The following PTPRN2 variants were observed in gnomAD, a reference collection of about 807,000 sequenced individuals.
PTPRN2 encodes protein tyrosine phosphatase receptor type N2, also known as receptor-type tyrosine-protein phosphatase N2.
A neutral mutation model predicts 118.8 loss-of-function variants in PTPRN2; 74 were observed. The ratio of observed to expected loss-of-function variants is 0.62; its 90% CI spans 0.52 to 0.76. The LOEUF is 0.76. PTPRN2 is among the 30% of genes least tolerant of loss of function. The pLI is 0.00. For synonymous variants in PTPRN2, 641 were observed against 608.0 expected, an observed-to-expected ratio of 1.05 and a Z score of -0.80; for missense variants, 1,481 against 1,394.4, an observed-to-expected ratio of 1.06 and a Z score of -0.99.
intron 9 of PTPRN2, among the ~76,000 whole-genome samples, chr7:158,130,971 T>C (rs932927872): frequency 2.7e-5 from 4 of 145,610 alleles, no homozygotes; most frequent in South Asian, 2.2e-4. Context: ...AACACACACA[T>C]ATACACAAAC....
intron 11 of PTPRN2, among the ~76,000 whole-genome samples, chr7:157,935,272 C>T (rs1178955357): frequency 1.3e-5 from 2 of 152,162 alleles, no homozygotes; most frequent in Non-Finnish European, 2.9e-5. Flanking sequence ...GGAACTGTCA[C>T]GTGGGTCAGA....
rs1332372247 is a variant in PTPRN2 at position 157,657,143 on chromosome 7, C to T, written c.2002-592G>A. ...CACACATATACACACACATACGCCACACACACACACCACACACATCACATA... is the reference window on the plus strand; with the variant it reads ...CACACATATACACACACATACGCCATACACACACACCACACACATCACATA... On this transcript the variant is annotated intron_variant, in intron 13 of 22. Transcript: ENST00000389418. 3.5e-4 allele frequency among the ~76,000 whole-genome samples: 46 copies of T among 133,092 alleles called. 3 individuals carry two copies. Among genetic ancestry groups the T allele is most frequent in the Non-Finnish European group, 5.5e-4 (34 of 62,126 alleles). 87.3% of individuals were successfully genotyped at this position (133,092 alleles called of 152,430 possible).
intron 12 of PTPRN2, among the ~76,000 whole-genome samples, chr7:157,716,252 ACT>A: frequency 8.0e-6 from 1 of 125,150 alleles, no homozygotes; most frequent in East Asian, 2.1e-4. Flanking sequence ...GGCCACGAAG[ACT>A]CTGCGGGAAC....
At chr7:158,136,256 G>T (rs554877298) in intron 8 of PTPRN2, among the ~76,000 whole-genome samples, 1 of 152,308 alleles carries the variant, frequency 6.6e-6, no homozygotes, top group South Asian at 2.1e-4. Context: ...GTGGCCAGAG[G>T]TGCCACACGG....
chr7:158,127,989 A>T (rs759429746), intron 9 of PTPRN2, among the ~76,000 whole-genome samples: 2 of 152,216 alleles, frequency 1.3e-5, no homozygotes, highest in Non-Finnish European at 1.5e-5. Flanking sequence ...AGAGAAAATC[A>T]TGCCTGGAAA....
chr7:158,574,400 T>C lies in PTPRN2; in HGVS notation c.112+13158A>G, dbSNP rs1292560774. On this transcript the variant is annotated intron_variant, in intron 1 of 22. Coordinates refer to ENST00000389418, the MANE Select transcript of PTPRN2 (RefSeq NM_002847.5). The surrounding 1 kb of genome is among the most constrained non-coding windows in gnomAD (Gnocchi z 4.6). ...TATTATAAACATACAATGAGTTCAGTAGAGCACATATATAACTTGTAAATA... is the reference window on the plus strand; with the variant it reads ...TATTATAAACATACAATGAGTTCAGCAGAGCACATATATAACTTGTAAATA... 6.6e-6 allele frequency among the ~76,000 whole-genome samples: 1 copy of C among 152,256 alleles called. No individual in the cohort carries two copies. Among genetic ancestry groups the C allele is most frequent in the Non-Finnish European group, 1.5e-5 (1 of 68,044 alleles).
At chr7:157,740,903 G>A (rs1411185541) in intron 12 of PTPRN2, among the ~76,000 whole-genome samples, 1 of 152,170 alleles carries the variant, frequency 6.6e-6, no homozygotes, top group African/African-American at 2.4e-5. Context: ...CCATTAGCCT[G>A]AGCAAGGGCC....
chr7:158,492,331 C>T (rs1402509946), intron 1 of PTPRN2, among the ~76,000 whole-genome samples: 1 of 152,242 alleles, frequency 6.6e-6, no homozygotes, highest in Admixed American at 6.5e-5. Context: ...GCAGACACAG[C>T]TCACGTTCTA....
At chr7:158,312,497 CGTGT>C (rs1801910548) in intron 3 of PTPRN2, among the ~76,000 whole-genome samples, 3 of 150,510 alleles carry the variant, frequency 2.0e-5, no homozygotes, top group African/African-American at 7.3e-5. Context: ...CACGTGCTCA[CGTGT>C]AGACACCCAC....
intron 2 of PTPRN2, among the ~76,000 whole-genome samples, chr7:158,370,207 G>T (rs1159222439): frequency 1.3e-5 from 2 of 152,104 alleles, no homozygotes; most frequent in Non-Finnish European, 2.9e-5. Context: ...GGAGGCCGAG[G>T]CACACCGATC....
At chr7:157,867,990 G>C (rs73746678) in intron 12 of PTPRN2, among the ~76,000 whole-genome samples, 7,176 of 152,250 alleles carry the variant, frequency 0.047, 477 homozygotes, top group African/African-American at 0.14. Context: ...ACTTCCTCTG[G>C]ACAGCAGGCC....
intron 9 of PTPRN2, among the ~76,000 whole-genome samples, chr7:158,126,521 G>A (rs1373005682): frequency 3.0e-4 from 20 of 65,856 alleles, no homozygotes; most frequent in Non-Finnish European, 4.4e-4. Flanking sequence ...CTTCCTCTCC[G>A]CCACACCAGC....
chr7:158,577,134 A>G (rs1258306847), intron 1 of PTPRN2, among the ~76,000 whole-genome samples: 8 of 72,994 alleles, frequency 1.1e-4, no homozygotes, highest in Admixed American at 1.6e-4. Flanking sequence ...AGCCCTCCTG[A>G]ATGCCACAGA....
At chr7:157,904,579 G>A (rs1377925222) in intron 11 of PTPRN2, among the ~76,000 whole-genome samples, 1 of 152,244 alleles carries the variant, frequency 6.6e-6, no homozygotes, top group Admixed American at 6.5e-5. Flanking sequence ...TCTTGCCAGG[G>A]AAATCTCTTT....
intron 9 of PTPRN2, among the ~76,000 whole-genome samples, chr7:158,129,349 ACACACCACACAG>A (rs1585535674): frequency 6.6e-6 from 1 of 150,926 alleles, no homozygotes; most frequent in South Asian, 2.1e-4. Context: ...TACACATAAC[ACACACCACACAG>A]CACACCACAC....
intron 11 of PTPRN2, among the ~76,000 whole-genome samples, chr7:158,063,422 C>T (rs567567764): frequency 3.9e-5 from 6 of 152,290 alleles, no homozygotes; most frequent in Non-Finnish European, 8.8e-5. Flanking sequence ...GTAAAACAGA[C>T]CAATCAGCTC....
intron 11 of PTPRN2, among the ~76,000 whole-genome samples, chr7:158,033,110 C>A (rs1807805385): frequency 7.9e-6 from 1 of 127,072 alleles, no homozygotes; most frequent in Non-Finnish European, 1.7e-5. Flanking sequence ...GGGCTAGAGG[C>A]ATGAATCTGA....
intron 12 of PTPRN2, among the ~76,000 whole-genome samples, chr7:157,705,866 T>G (rs1798305704): frequency 6.6e-6 from 1 of 151,414 alleles, no homozygotes; most frequent in African/African-American, 2.4e-5. Flanking sequence ...TCCCCCAGAA[T>G]GCTGGGAATT....
Position 158,562,801 on chromosome 7 carries a change from G to A in PTPRN2, c.112+24757C>T, listed in dbSNP as rs944707013. On this transcript the variant is annotated intron_variant, in intron 1 of 22. Coordinates refer to ENST00000389418, the MANE Select transcript of PTPRN2 (RefSeq NM_002847.5). ...GCCTTGCCACGTCAGGATCAATGAC[G>A]CTCCCAGGGGCACATACCTCAACAG... is the stretch of plus-strand genomic sequence containing the variant. Among the ~76,000 whole-genome samples, 8 of 152,110 alleles carry A rather than the reference G, an allele frequency of 5.3e-5. No individual in the cohort carries two copies. In the East Asian group the frequency reaches 7.7e-4, roughly 15 times the overall value.
Sources: gnomAD v4.1 joint callset for allele counts (sites outside exome capture counted in the v4.1 genomes callset) on GRCh38, gnomAD v4.1.1 for gene constraint, Gnocchi (gnomAD v3.1) non-coding constraint, MANE v1.5 for transcripts, NCBI Gene and HGNC (gene_info 2026-07-23, HGNC 2026-07-21) for gene names.